Variants in NTM observed in about 807,000 individuals in gnomAD.
NTM encodes IgLON family member 2.
A neutral mutation model predicts 42.1 loss-of-function variants in NTM; 13 were observed. That is an observed-to-expected ratio of 0.31 (90% CI 0.20 to 0.49). NTM has a LOEUF of 0.49. NTM is among the 20% of genes least tolerant of loss of function. The pLI, the probability that NTM is intolerant of heterozygous loss-of-function variation, is 0.99. For missense variants in NTM, 373 were observed against 452.8 expected (o/e 0.82, Z 1.60); for synonymous variants, 187 against 179.2 (o/e 1.04, Z -0.35).
At chr11:131,372,411 T>C (rs975439578) in intron 1 of NTM, among the ~76,000 whole-genome samples, 3 of 152,132 alleles carry the variant, frequency 2.0e-5, no homozygotes, top group Non-Finnish European at 4.4e-5. Context: ...GCATCCTCGA[T>C]TGACTCCTCT....
At chr11:131,619,671 A>T (rs1291686377) in intron 1 of NTM, among the ~76,000 whole-genome samples, 1 of 152,204 alleles carries the variant, frequency 6.6e-6, no homozygotes. Context: ...CAAATTTTTC[A>T]TGAAAAGGAG....
At chr11:131,833,370 A>G (rs756552056) in intron 1 of NTM, among the ~76,000 whole-genome samples, 20 of 152,218 alleles carry the variant, frequency 1.3e-4, no homozygotes, top group Non-Finnish European at 2.8e-4. Context: ...CATGCTTCAC[A>G]TACACTACCT....
At chr11:132,109,685 C>T (rs2062902990) in intron 2 of NTM, among the ~76,000 whole-genome samples, 1 of 152,174 alleles carries the variant, frequency 6.6e-6, no homozygotes. Context: ...GCCAGCCATG[C>T]TGCTCTCCTC....
At chr11:131,500,575 ATATT>A (rs1415270574) in intron 1 of NTM, among the ~76,000 whole-genome samples, 107 of 18,034 alleles carry the variant, frequency 5.9e-3, no homozygotes, top group Middle Eastern at 0.024. Flanking sequence ...ATATATATAT[ATATT>A]TTTTTTTTTT....
chr11:131,629,761 G>A (rs1565350131), intron 1 of NTM, among the ~76,000 whole-genome samples: 1 of 152,210 alleles, frequency 6.6e-6, no homozygotes, highest in Non-Finnish European at 1.5e-5. Context: ...TGGTGTGTAA[G>A]GGTAAAGGAC....
intron 1 of NTM, among the ~76,000 whole-genome samples, chr11:131,630,458 C>T (rs370614373): frequency 6.6e-6 from 1 of 151,986 alleles, no homozygotes; most frequent in East Asian, 1.9e-4. Flanking sequence ...CTCAGTGTTT[C>T]TTTTTTGCAT....
At chr11:132,311,005 G>T (rs931386862) in intron 6 of NTM, among the ~76,000 whole-genome samples, 1 of 152,152 alleles carries the variant, frequency 6.6e-6, no homozygotes, top group Non-Finnish European at 1.5e-5. Context: ...AAGAGGTGGT[G>T]GTATAGGGGA....
Position 131,942,809 on chromosome 11 carries a change from G to T in NTM, c.167+31161G>T, listed in dbSNP as rs148433537. On this transcript the variant is annotated intron_variant, in intron 2 of 8. Transcript: ENST00000683400. ...AAAAACGCAAAAATTAGCTGGGCATGGTGACACGTGTCTGTAACCCCAGCT... is the reference window on the plus strand; with the variant it reads ...AAAAACGCAAAAATTAGCTGGGCATTGTGACACGTGTCTGTAACCCCAGCT... Among the ~76,000 whole-genome samples the T allele has an allele frequency of 1.0e-3, 152 of 152,128 alleles. 2 individuals carry two copies. The East Asian group carries it at 0.025, about 25-fold the overall frequency.
At chr11:131,658,482 G>A (rs907938347) in intron 1 of NTM, among the ~76,000 whole-genome samples, 7 of 152,156 alleles carry the variant, frequency 4.6e-5, no homozygotes, top group Admixed American at 2.0e-4. Context: ...ACATGGACAC[G>A]TCACTATGCT....
At chr11:131,391,760 G>A (rs886377553) in intron 1 of NTM, among the ~76,000 whole-genome samples, 11 of 151,910 alleles carry the variant, frequency 7.2e-5, no homozygotes, top group Non-Finnish European at 1.2e-4. Flanking sequence ...TTCTACACCC[G>A]TGACAGGTAA....
intron 1 of NTM, among the ~76,000 whole-genome samples, chr11:131,858,444 C>G (rs1042527255): frequency 1.2e-4 from 18 of 152,000 alleles, no homozygotes; most frequent in Admixed American, 1.1e-3. Flanking sequence ...CCTTGTATCT[C>G]CGTCTTCTAC....
chr11:131,445,225 T>C (rs1208454925), intron 1 of NTM, among the ~76,000 whole-genome samples: 1 of 152,222 alleles, frequency 6.6e-6, no homozygotes, highest in Non-Finnish European at 1.5e-5. Flanking sequence ...CTGTGGCATT[T>C]GTATCTCCGT....
chr11:131,930,207 A>G (rs752078339), intron 2 of NTM, among the ~76,000 whole-genome samples: 8 of 152,222 alleles, frequency 5.3e-5, no homozygotes, highest in East Asian at 1.9e-4. Flanking sequence ...AAACTTTTCT[A>G]TTAACTCTTT....
At chr11:132,087,818 A>G (rs2136359524) in intron 2 of NTM, among the ~76,000 whole-genome samples, 1 of 152,200 alleles carries the variant, frequency 6.6e-6, no homozygotes, top group East Asian at 1.9e-4. Flanking sequence ...TCCAACAGGG[A>G]GAGAAACTTT....
chr11:132,317,697 A>G (rs1362058876), intron 7 of NTM: 2 of 1,302,506 alleles, frequency 1.5e-6, no homozygotes, highest in African/African-American at 1.5e-5. Context: ...CAAGGTCAGT[A>G]TCTTCCTTGC....
At chr11:131,571,452 C>T (rs1024784090) in intron 1 of NTM, among the ~76,000 whole-genome samples, 3 of 152,324 alleles carry the variant, frequency 2.0e-5, no homozygotes, top group Non-Finnish European at 2.9e-5. Flanking sequence ...TGCCCAAGGT[C>T]ATAGAACTGG....
intron 2 of NTM, among the ~76,000 whole-genome samples, chr11:132,055,419 G>T (rs1450469807): frequency 2.0e-5 from 3 of 152,138 alleles, no homozygotes; most frequent in Non-Finnish European, 4.4e-5. Context: ...AATAGTATGA[G>T]CCCATCAAAT....
intron 1 of NTM, among the ~76,000 whole-genome samples, chr11:131,563,757 T>C (rs1211235016): frequency 6.6e-6 from 1 of 152,174 alleles, no homozygotes; most frequent in African/African-American, 2.4e-5. Context: ...GACAATGGCC[T>C]GTGCTTTTTA....
chr11:131,446,731 G>A (rs985474842), intron 1 of NTM, among the ~76,000 whole-genome samples: 3 of 152,266 alleles, frequency 2.0e-5, no homozygotes, highest in South Asian at 2.1e-4. Flanking sequence ...GTACACATAT[G>A]TATGGCCATT....
Sources: gnomAD v4.1 joint callset for allele counts (sites outside exome capture counted in the v4.1 genomes callset) on GRCh38, gnomAD v4.1.1 for gene constraint, MANE v1.5 for transcripts, NCBI Gene and HGNC (gene_info 2026-07-23, HGNC 2026-07-21) for gene names.